The following CEMIP variants were observed in gnomAD, a reference collection of about 807,000 sequenced individuals.
The protein encoded by CEMIP is cell migration-inducing and hyaluronan-binding protein.
CEMIP carries 105 observed loss-of-function variants against 156.9 expected under a neutral mutation model. That is an observed-to-expected ratio of 0.67 (90% CI 0.57 to 0.79). CEMIP has a LOEUF of 0.79. Ranked by LOEUF, CEMIP falls within the 30% of genes least tolerant of loss-of-function variation. The pLI is 0.00. For synonymous variants in CEMIP, 676 were observed against 668.4 expected (o/e 1.01, Z -0.17); for missense variants, 1,457 against 1,769.4 (o/e 0.82, Z 3.17).
chr15:80,840,645 G>A (rs938395963), intron 1 of CEMIP, among the ~76,000 whole-genome samples: 8 of 152,178 alleles, frequency 5.3e-5, no homozygotes, highest in Non-Finnish European at 7.4e-5. Context: ...CTGCTGGACT[G>A]CTGGGTGTCC....
intron 1 of CEMIP, among the ~76,000 whole-genome samples, chr15:80,787,697 G>C (rs1016781968): frequency 1.7e-4 from 26 of 152,212 alleles, no homozygotes; most frequent in African/African-American, 4.8e-4. Flanking sequence ...AGCACTGGTA[G>C]CCACAGATGC....
intron 1 of CEMIP, among the ~76,000 whole-genome samples, chr15:80,828,931 A>G (rs1455045271): frequency 6.6e-6 from 1 of 152,230 alleles, no homozygotes; most frequent in Non-Finnish European, 1.5e-5. Context: ...GTCTGAGTTC[A>G]GGATTGCTCA....
Position 80,943,047 on chromosome 15 carries a change from A to T in CEMIP, c.3802A>T (p.Ile1268Phe), listed in dbSNP as rs141069943. 5.0e-6 allele frequency: 8 copies of T among 1,614,132 alleles called. No individual in the cohort carries two copies. Among genetic ancestry groups the T allele is most frequent in the African/African-American group, 1.3e-5 (1 of 74,944 alleles). Residue 1268 changes from isoleucine (I) to phenylalanine (F), a missense_variant, in exon 28 of 30, where the codon ATT (isoleucine) becomes TTT (phenylalanine). This residue lies in a region of CEMIP where 798 missense variants were observed against 980.1 expected (regional missense o/e 0.81). Coordinates refer to ENST00000394685, the MANE Select transcript of CEMIP (RefSeq NM_001293298.2). ...VVSHTSFRNSILQGIPWQLFN... is the reference protein window; with the variant it reads ...VVSHTSFRNSFLQGIPWQLFN... ...GAGCCACACGAGCTTCAGGAACTCC[A>T]TTCTGCAAGGCATACCATGGCAGCT...
At chr15:80,842,973 T>C (rs903558465) in intron 1 of CEMIP, among the ~76,000 whole-genome samples, 4 of 152,132 alleles carry the variant, frequency 2.6e-5, no homozygotes, top group Non-Finnish European at 5.9e-5. Context: ...GTGGATGACA[T>C]TGTCACCAAC....
rs1003432952 is a variant in CEMIP, at chr15:80,950,159, C to A, written c.*1235C>A. The A allele has an allele frequency of 6.6e-6, 1 of 152,256 alleles. No homozygotes were observed. The highest frequency in any genetic ancestry group is 2.1e-4 in the South Asian group (1 of 4,830). 9.4% of individuals were successfully genotyped at this position (152,256 alleles called of 1,614,324 possible). Reference sequence around the variant, plus strand: ...GCCTCCAGGAGACCCTAGATGTGCTCGTACTCCCTCGGCCTGGGATTTCAG... The same window carrying A: ...GCCTCCAGGAGACCCTAGATGTGCTAGTACTCCCTCGGCCTGGGATTTCAG... On this transcript the variant is annotated 3_prime_UTR_variant, in exon 30 of 30. Coordinates refer to ENST00000394685, the MANE Select transcript of CEMIP (RefSeq NM_001293298.2).
chr15:80,832,526 A>T lies in CEMIP; in HGVS notation c.-175-41012A>T, dbSNP rs760755314. Among the ~76,000 whole-genome samples, 32 of 152,092 alleles carry T rather than the reference A, an allele frequency of 2.1e-4. 3 individuals are homozygous for T. The highest frequency in any genetic ancestry group is 6.6e-5 in the Admixed American group (1 of 15,262). ...AAATGAGTGCATGTTGTGCATTTGA[A>T]TTAGATCGGAATGAGTTTTGGGGGT... On this transcript the variant is annotated intron_variant, in intron 1 of 29. Transcript: ENST00000394685.
At position 80,926,279 on chromosome 15, in the gene CEMIP, G is replaced by A. The variant is rs539816404; in HGVS notation, c.2420+524G>A. On this transcript the variant is annotated intron_variant, in intron 19 of 29. Coordinates refer to ENST00000394685, the MANE Select transcript of CEMIP (RefSeq NM_001293298.2). ...GGACTCCAAGACCCAAATGAAAAAG[G>A]CAGGGAACGCTGAGCTCTCATATGA... Among the ~76,000 whole-genome samples, 23 of 152,302 alleles carry A rather than the reference G, an allele frequency of 1.5e-4. 1 individual carries two copies. In the South Asian group the frequency reaches 4.8e-3, roughly 32 times the overall value.
chr15:80,921,935 C>G (rs1035597120), intron 16 of CEMIP, 74 bp from the exon 17 acceptor site: 6 of 1,603,758 alleles, frequency 3.7e-6, no homozygotes, highest in Non-Finnish European at 5.1e-6. Flanking sequence ...CCGGCGTGGG[C>G]CGCGTGGCCA....
intron 17 of CEMIP, among the ~76,000 whole-genome samples, chr15:80,923,208 G>A (rs142447346): frequency 6.6e-6 from 1 of 152,042 alleles, no homozygotes; most frequent in African/African-American, 2.4e-5. Context: ...AGAAAAGAGG[G>A]TAGTGTCATG....
intron 1 of CEMIP, among the ~76,000 whole-genome samples, chr15:80,840,456 C>A (rs1897380781): frequency 1.3e-5 from 2 of 152,154 alleles, no homozygotes; most frequent in African/African-American, 4.8e-5. Context: ...GCCTCCAGAA[C>A]TGTGGCGAGG....
chr15:80,850,576 A>G (rs1897692402), intron 1 of CEMIP, among the ~76,000 whole-genome samples: 1 of 152,144 alleles, frequency 6.6e-6, no homozygotes, highest in Non-Finnish European at 1.5e-5. Flanking sequence ...ACGCCCAGCC[A>G]TCATCTTCTT....
intron 1 of CEMIP, among the ~76,000 whole-genome samples, chr15:80,841,706 A>T (rs1397606788): frequency 1.3e-5 from 2 of 152,110 alleles, no homozygotes; most frequent in South Asian, 2.1e-4. Flanking sequence ...CCCTCCCTCC[A>T]GGGGGTGTTG....
At chr15:80,918,587 C>T (rs987671912) in intron 14 of CEMIP, among the ~76,000 whole-genome samples, 2 of 152,148 alleles carry the variant, frequency 1.3e-5, no homozygotes, top group Admixed American at 1.3e-4. Flanking sequence ...GGCATGGTGG[C>T]AGGTACTGAA....
intron 1 of CEMIP, among the ~76,000 whole-genome samples, chr15:80,791,196 C>G (rs1474617137): frequency 6.6e-6 from 1 of 151,896 alleles, no homozygotes; most frequent in African/African-American, 2.4e-5. Context: ...GCTGTAGATC[C>G]TTAAAAGCTG....
chr15:80,864,647 C>G (rs1898076061), intron 1 of CEMIP, among the ~76,000 whole-genome samples: 1 of 152,216 alleles, frequency 6.6e-6, no homozygotes, highest in South Asian at 2.1e-4. Flanking sequence ...AATTGGCCAA[C>G]TACACATACC....
At position 80,941,992 on chromosome 15, in the gene CEMIP, A is replaced by C; in HGVS notation, c.3551A>C (p.Lys1184Thr). ...GACTGCACAGCCACAGCTTACCCCA[A>C]GTTCACCGAGAGGGCTGTCGTAGAC... Reference protein sequence around the residue: ...VSDCTATAYPKFTERAVVDVP... With the variant: ...VSDCTATAYPTFTERAVVDVP... The change falls in exon 26 of 30, where the codon AAG (lysine) becomes ACG (threonine). Residue 1184 changes from lysine (K) to threonine (T), a missense_variant. Around this residue, in one of 5 missense-constraint regions of CEMIP, gnomAD observed 798 missense variants for 980.1 expected, o/e 0.81. Coordinates refer to ENST00000394685, the MANE Select transcript of CEMIP (RefSeq NM_001293298.2). 1.2e-6 allele frequency: 2 copies of C among 1,613,888 alleles called. No homozygotes were observed. Among genetic ancestry groups the C allele is most frequent in the South Asian group, 1.1e-5 (1 of 91,040 alleles).
At chr15:80,946,869 C>T in intron 28 of CEMIP, 96 bp from the exon 29 acceptor site, 1 of 810,992 alleles carries the variant, frequency 1.2e-6, no homozygotes, top group South Asian at 1.4e-5. Context: ...GCACTGCTAA[C>T]TCCAGTCCCA....
At chr15:80,876,544 C>G (rs1898486321) in intron 3 of CEMIP, among the ~76,000 whole-genome samples, 1 of 152,196 alleles carries the variant, frequency 6.6e-6, no homozygotes, top group South Asian at 2.1e-4. Flanking sequence ...GAAAGAGATC[C>G]AAAGCCTGTG....
intron 17 of CEMIP, among the ~76,000 whole-genome samples, chr15:80,922,935 C>T (rs1181681490): frequency 6.6e-6 from 1 of 152,198 alleles, no homozygotes; most frequent in East Asian, 1.9e-4. Context: ...TCCCAAATGC[C>T]TAGGCTGGTT....
Sources: gnomAD v4.1 joint callset for allele counts (sites outside exome capture counted in the v4.1 genomes callset) on GRCh38, gnomAD v4.1.1 for gene constraint, gnomAD v4.1.1 regional missense constraint, MANE v1.5 for transcripts, NCBI Gene and HGNC (gene_info 2026-07-23, HGNC 2026-07-21) for gene names.